Variants in GEM observed in about 807,000 individuals in gnomAD.
The protein encoded by GEM is GTP-binding protein GEM.
In GEM, 31 loss-of-function variants were observed where a neutral mutation model predicts 33.0. The ratio of observed to expected loss-of-function variants is 0.94; its 90% CI spans 0.71 to 1.27. The LOEUF (loss-of-function observed/expected upper bound fraction) is 1.27. Among genes scored for constraint, GEM ranks in the 50% most tolerant of loss-of-function variants. The pLI is 0.00. For missense variants in GEM, 354 were observed against 390.5 expected (o/e 0.91, Z 0.79); for synonymous variants, 141 against 143.7 (o/e 0.98, Z 0.13).
rs1213567190 is a variant in GEM at position 94,250,350 on chromosome 8, T to C, written c.851A>G (p.Lys284Arg). The change falls in exon 5 of 5, where the codon AAG becomes AGG. Residue 284 changes from lysine to arginine, a missense_variant. Transcript: ENST00000297596. ...VAKNNKNMAF[K>R]LKSKSCHDLS... ...GTCATGGCAGGATTTGGACTTGAGC[T>C]TGAAGGCCATATTCTTGTTGTTTTT... 2.5e-6 allele frequency: 4 copies of C among 1,614,034 alleles called. No homozygotes were observed. The highest frequency in any genetic ancestry group is 2.7e-5 in the African/African-American group (2 of 74,926).
chr8:94,251,915 A>T, intron 4 of GEM, 104 bp downstream of exon 4: 2 of 840,650 alleles, frequency 2.4e-6, no homozygotes, highest in Admixed American at 3.7e-5. Context: ...CATCTTAATG[A>T]GTTCCTAGAT....
Position 94,249,803 on chromosome 8 carries a change from A to G in GEM, c.*507T>C, listed in dbSNP as rs1808720497. ...CCACATCATTTCTTTTCACAGTTTG[A>G]TGGAGCAATAATAGTCACGATTCTG... On this transcript the variant is annotated 3_prime_UTR_variant, in exon 5 of 5. Transcript: ENST00000297596. 6.6e-6 allele frequency: 1 copy of G among 152,306 alleles called. No individual in the cohort carries two copies. Among genetic ancestry groups the G allele is most frequent in the African/African-American group, 2.4e-5 (1 of 41,426 alleles). The allele number at this position is 152,306 out of a possible 1,614,324, so 9.4% of individuals were successfully genotyped here.
intron 1 of GEM, chr8:94,260,725 T>C: frequency 2.0e-6 from 1 of 503,942 alleles, no homozygotes; most frequent in Non-Finnish European, 3.5e-6. Context: ...AGTAACCAGC[T>C]CCTCAGGCAG....
At position 94,257,639 on chromosome 8, in the gene GEM, G is replaced by A. The variant is rs189986309; in HGVS notation, c.331+2534C>T. Among the ~76,000 whole-genome samples, 550 of 152,168 alleles carry A rather than the reference G, an allele frequency of 3.6e-3. 3 individuals are homozygous for A. The highest frequency in any genetic ancestry group is 4.9e-3 in the Non-Finnish European group (335 of 68,024). On this transcript the variant is annotated intron_variant, in intron 2 of 4. Transcript: ENST00000297596. ...TCCATTGCATACTGTGAGCATCTCCGCAGAAGAAGCCCCATGACTCTTTGC... is the reference window on the plus strand; with the variant it reads ...TCCATTGCATACTGTGAGCATCTCCACAGAAGAAGCCCCATGACTCTTTGC...
Position 94,249,995 on chromosome 8 carries a change from G to T in GEM, c.*315C>A. On this transcript the variant is annotated 3_prime_UTR_variant, in exon 5 of 5. Coordinates refer to ENST00000297596, the MANE Select transcript of GEM (RefSeq NM_005261.4). ...AAATTTTTAATGATGAAAAGTTCTT[G>T]TTCTAGGCATTCTTTGTAAGCTTTA... The T allele has an allele frequency of 3.8e-6, 1 of 262,184 alleles. No individual in the cohort carries two copies. Among genetic ancestry groups the T allele is most frequent in the Non-Finnish European group, 7.1e-6 (1 of 140,816 alleles). The allele number at this position is 262,184 out of a possible 1,614,324, so 16.2% of individuals were successfully genotyped here.
At chr8:94,261,373 G>A (rs1030737165) in intron 1 of GEM, among the ~76,000 whole-genome samples, 1 of 152,024 alleles carries the variant, frequency 6.6e-6, no homozygotes, top group African/African-American at 2.4e-5. Context: ...TTGAGTCAGG[G>A]TCTTGCTCTG....
intron 2 of GEM, 105 bp downstream of exon 2, chr8:94,260,068 C>CTA: frequency 1.4e-6 from 1 of 726,346 alleles, no homozygotes; most frequent in Non-Finnish European, 2.3e-6. Flanking sequence ...TCCAAAATGC[C>CTA]TAACTTCAGC....
At chr8:94,253,378 A>C (rs1365680109) in intron 2 of GEM, among the ~76,000 whole-genome samples, 1 of 152,218 alleles carries the variant, frequency 6.6e-6, no homozygotes, top group Non-Finnish European at 1.5e-5. Context: ...ATTTGTTTGC[A>C]TCATTCCTGG....
intron 3 of GEM, 83 bp from the exon 4 acceptor site, chr8:94,252,306 C>T: frequency 1.1e-6 from 1 of 920,858 alleles, no homozygotes; most frequent in Non-Finnish European, 1.7e-6. Context: ...ATATGTGTAT[C>T]CTAAAGTACA....
chr8:94,250,606 G>A lies in GEM; in HGVS notation c.614-19C>T. On this transcript the variant is annotated intron_variant, in intron 4 of 4. Coordinates refer to ENST00000297596, the MANE Select transcript of GEM (RefSeq NM_005261.4). Reference sequence around the variant, plus strand: ...CTCCCTTCTGGGAAGGAAAGAAAGAGGTCAGAGGGACTGCAGAGCACAGTC... The same window carrying A: ...CTCCCTTCTGGGAAGGAAAGAAAGAAGTCAGAGGGACTGCAGAGCACAGTC... 2 of 1,603,900 alleles carry A rather than the reference G, an allele frequency of 1.2e-6. No individual in the cohort carries two copies. The highest frequency in any genetic ancestry group is 1.7e-5 in the Admixed American group (1 of 59,224).
intron 2 of GEM, among the ~76,000 whole-genome samples, chr8:94,257,120 C>A (rs1808906239): frequency 6.6e-6 from 1 of 151,994 alleles, no homozygotes; most frequent in Non-Finnish European, 1.5e-5. Flanking sequence ...AGTTCAGAGA[C>A]CATCTCTTCC....
chr8:94,258,695 A>T (rs1255592893), intron 2 of GEM, among the ~76,000 whole-genome samples: 1 of 152,218 alleles, frequency 6.6e-6, no homozygotes, highest in Non-Finnish European at 1.5e-5. Flanking sequence ...GATTGATTCA[A>T]GTATTATCAA....
intron 2 of GEM, among the ~76,000 whole-genome samples, chr8:94,258,563 G>T (rs544149147): frequency 6.6e-6 from 1 of 152,212 alleles, no homozygotes; most frequent in East Asian, 1.9e-4. Context: ...ACAGGATTTG[G>T]GTTCAATCAC....
Position 94,250,468 on chromosome 8 carries a change from T to A in GEM, c.733A>T (p.Ser245Cys). 1 of 1,614,250 alleles carries A rather than the reference T, an allele frequency of 6.2e-7. No individual in the cohort carries two copies. Among genetic ancestry groups the A allele is most frequent in the Non-Finnish European group, 8.5e-7 (1 of 1,180,038 alleles). Residue 245 changes from serine (S) to cysteine (C), a missense_variant, in exon 5 of 5, where the codon AGC becomes TGC. Physicochemically the swap from Ser to Cys is moderately radical, Grantham distance 112. Coordinates refer to ENST00000297596, the MANE Select transcript of GEM (RefSeq NM_005261.4). ...IVRQVRLRRDSKEKNERRLAY... is the reference protein window; with the variant it reads ...IVRQVRLRRDCKEKNERRLAY... ...AGCCGCCGTTCATTCTTCTCCTTGC[T>A]GTCCCGCCGAAGGCGCACCTGTCGC...
At chr8:94,253,248 C>G in intron 2 of GEM, 136 bp from the exon 3 acceptor site, 1 of 621,220 alleles carries the variant, frequency 1.6e-6, no homozygotes, top group Non-Finnish European at 2.9e-6. Flanking sequence ...CAGATATTTT[C>G]AAAGGCAAAT....
chr8:94,250,398 C>T lies in GEM; in HGVS notation c.803G>A (p.Arg268His), dbSNP rs145789382. Reference sequence around the variant, plus strand: ...TTTGGCCACGATCTTGCCCCAGAAGCGCCTGGCTTTCCTGGGCATGCTCTC... The same window carrying T: ...TTTGGCCACGATCTTGCCCCAGAAGTGCCTGGCTTTCCTGGGCATGCTCTC... ...RKESMPRKAR[R>H]FWGKIVAKNN... is the part of the protein sequence containing the mutation. Residue 268 changes from arginine to histidine, a missense_variant, in exon 5 of 5, where the codon CGC (arginine) becomes CAC (histidine). Physicochemically the swap from Arg to His is conservative, Grantham distance 29 (BLOSUM62 0). Transcript: ENST00000297596. 6.3e-5 allele frequency: 102 copies of T among 1,613,990 alleles called. No homozygotes were observed. In the African/African-American group the frequency reaches 7.6e-4, roughly 12 times the overall value.
intron 3 of GEM, among the ~76,000 whole-genome samples, chr8:94,252,787 T>A (rs1466465642): frequency 6.6e-6 from 1 of 152,196 alleles, no homozygotes; most frequent in Non-Finnish European, 1.5e-5. Context: ...CTAAAACAAA[T>A]AAACTTTTTG....
chr8:94,259,200 C>A (rs1344709386), intron 2 of GEM, among the ~76,000 whole-genome samples: 1 of 152,122 alleles, frequency 6.6e-6, no homozygotes, highest in Non-Finnish European at 1.5e-5. Flanking sequence ...AAGAATAAAA[C>A]CTCCAGATGA....
intron 2 of GEM, among the ~76,000 whole-genome samples, chr8:94,253,412 T>C (rs928461614): frequency 2.0e-5 from 3 of 152,230 alleles, no homozygotes; most frequent in Non-Finnish European, 4.4e-5. Flanking sequence ...CAAAATCATT[T>C]GTGAGGATAA....
Sources: gnomAD v4.1 joint callset for allele counts (sites outside exome capture counted in the v4.1 genomes callset) on GRCh38, gnomAD v4.1.1 for gene constraint, MANE v1.5 for transcripts, NCBI Gene and HGNC (gene_info 2026-07-23, HGNC 2026-07-21) for gene names.